Variants in NUP88 observed in about 807,000 individuals in gnomAD.
The protein encoded by NUP88 is nucleoporin 88.
NUP88 carries 57 observed loss-of-function variants against 93.9 expected under a neutral mutation model. That is an observed-to-expected ratio of 0.61 (90% CI 0.49 to 0.76). The LOEUF (loss-of-function observed/expected upper bound fraction) is 0.76, where lower values mean the gene tolerates loss of function less well. Among genes scored for constraint, NUP88 ranks in the 30% least tolerant of loss-of-function variants. NUP88 has a pLI of 0.00. For missense variants in NUP88, 911 were observed against 901.0 expected, an observed-to-expected ratio of 1.01 and a Z score of -0.14; for synonymous variants, 346 against 336.8, an observed-to-expected ratio of 1.03 and a Z score of -0.30.
At chr17:5,416,144 CAAAAAA>C (rs1206275413) in intron 2 of NUP88, among the ~76,000 whole-genome samples, 2 of 72,646 alleles carry the variant, frequency 2.8e-5, no homozygotes, top group Non-Finnish European at 2.6e-5. Flanking sequence ...GACTCCATCT[CAAAAAA>C]AAAAAAAAAA....
intron 5 of NUP88, among the ~76,000 whole-genome samples, chr17:5,406,086 T>C (rs887945727): frequency 2.6e-5 from 4 of 152,234 alleles, no homozygotes; most frequent in Non-Finnish European, 5.9e-5. Flanking sequence ...CAGTGAATGA[T>C]GGTTTAGTTG....
chr17:5,409,929 G>C (rs562356384), intron 4 of NUP88, among the ~76,000 whole-genome samples: 99 of 152,314 alleles, frequency 6.5e-4, no homozygotes, highest in Non-Finnish European at 1.1e-3. Context: ...AATGTCTGTG[G>C]AATGGCAAGG....
intron 13 of NUP88, 53 bp from the exon 14 acceptor site, chr17:5,387,519 C>G (rs1912092478): frequency 6.3e-7 from 1 of 1,598,760 alleles, no homozygotes; most frequent in Non-Finnish European, 8.6e-7. Context: ...GATGCTGAAA[C>G]CACCTAATGT....
intron 1 of NUP88, among the ~76,000 whole-genome samples, chr17:5,418,914 A>T (rs553385934): frequency 6.6e-6 from 1 of 152,310 alleles, no homozygotes; most frequent in Non-Finnish European, 1.5e-5. Flanking sequence ...GTAAGAATTA[A>T]CAGAGACTTC....
chr17:5,405,464 G>A (rs536774514), intron 5 of NUP88, among the ~76,000 whole-genome samples: 4 of 152,278 alleles, frequency 2.6e-5, no homozygotes, highest in African/African-American at 9.6e-5. Flanking sequence ...AATGTCTGAA[G>A]ACATTTTGGC....
intron 7 of NUP88, among the ~76,000 whole-genome samples, chr17:5,401,336 T>C (rs1597323459): frequency 6.6e-6 from 1 of 152,026 alleles, no homozygotes; most frequent in Non-Finnish European, 1.5e-5. Flanking sequence ...TGAGCCGAGT[T>C]GTACCACTGC....
chr17:5,394,089 G>C (rs1403349255), intron 9 of NUP88, among the ~76,000 whole-genome samples: 1 of 152,180 alleles, frequency 6.6e-6, no homozygotes, highest in Non-Finnish European at 1.5e-5. Context: ...GGATATCCAA[G>C]TGGAGGAGCC....
intron 3 of NUP88, among the ~76,000 whole-genome samples, chr17:5,412,667 T>TAC (rs1167464815): frequency 2.0e-5 from 3 of 149,942 alleles, no homozygotes; most frequent in Non-Finnish European, 4.4e-5. Context: ...CCCCCCCACA[T>TAC]ACACACACAC....
chr17:5,400,394 G>A (rs1244570449), intron 7 of NUP88, among the ~76,000 whole-genome samples: 5 of 151,636 alleles, frequency 3.3e-5, no homozygotes, highest in African/African-American at 7.3e-5. Flanking sequence ...TACTCGGGAG[G>A]CTGAGGCAGG....
chr17:5,399,502 C>A, intron 8 of NUP88, 50 bp downstream of exon 8: 1 of 921,914 alleles, frequency 1.1e-6, no homozygotes, highest in Non-Finnish European at 1.7e-6. Flanking sequence ...TCTATTAAAT[C>A]TATTTTTCCT....
At position 5,399,536 on chromosome 17, in the gene NUP88, G is replaced by C; in HGVS notation, c.1291+16C>G. The C allele has an allele frequency of 3.8e-6, 5 of 1,320,408 alleles. No homozygotes were observed. Among genetic ancestry groups the C allele is most frequent in the Non-Finnish European group, 4.3e-6 (4 of 919,862 alleles). 81.8% of individuals were successfully genotyped at this position (1,320,408 alleles called of 1,614,324 possible). On this transcript the variant is annotated intron_variant, in intron 8 of 16. Coordinates refer to ENST00000573584, the MANE Select transcript of NUP88 (RefSeq NM_002532.6). ...CTCTGAAATCTATTAAAAGTGCAGA[G>C]AGTTAGTAAACTCACCTGATCCAAG...
chr17:5,416,833 T>TTTG, intron 1 of NUP88, 151 bp from the exon 2 acceptor site: 3 of 109,562 alleles, frequency 2.7e-5, no homozygotes, highest in African/African-American at 4.0e-4. Context: ...AACTCACAAA[T>TTTG]TTTTTTTTTT....
chr17:5,412,824 T>A (rs1382980760), intron 3 of NUP88, among the ~76,000 whole-genome samples: 1 of 152,132 alleles, frequency 6.6e-6, no homozygotes, highest in African/African-American at 2.4e-5. Context: ...CCCACTCCCC[T>A]ACCCCACACT....
At chr17:5,405,366 C>T (rs1047994127) in intron 5 of NUP88, 123 bp from the exon 6 acceptor site, 2 of 723,282 alleles carry the variant, frequency 2.8e-6, no homozygotes, top group African/African-American at 3.6e-5. Flanking sequence ...TAGTGTATTC[C>T]CAATACTCCA....
At chr17:5,395,462 G>T (rs1281364321) in intron 8 of NUP88, among the ~76,000 whole-genome samples, 1 of 152,008 alleles carries the variant, frequency 6.6e-6, no homozygotes, top group Non-Finnish European at 1.5e-5. Flanking sequence ...AGCTCACTCA[G>T]GTTCAAGGAT....
At chr17:5,403,216 G>A (rs58832024) in intron 7 of NUP88, among the ~76,000 whole-genome samples, 1 of 151,646 alleles carries the variant, frequency 6.6e-6, no homozygotes, top group Non-Finnish European at 1.5e-5. Context: ...AGTGGCTCAC[G>A]CCTGGAATCC....
chr17:5,400,511 A>AC (rs1913093445), intron 7 of NUP88, among the ~76,000 whole-genome samples: 4 of 151,972 alleles, frequency 2.6e-5, no homozygotes, highest in African/African-American at 9.7e-5. Context: ...AAAAAAAAAA[A>AC]AAAAAACTCA....
At chr17:5,413,269 G>A (rs903358138) in intron 3 of NUP88, among the ~76,000 whole-genome samples, 5 of 152,216 alleles carry the variant, frequency 3.3e-5, no homozygotes, top group African/African-American at 1.2e-4. Flanking sequence ...ACTGCAACCA[G>A]CCAAGATGAG....
intron 6 of NUP88, among the ~76,000 whole-genome samples, chr17:5,404,695 C>G (rs1473032742): frequency 6.6e-6 from 1 of 152,102 alleles, no homozygotes; most frequent in African/African-American, 2.4e-5. Context: ...TTAATTCCAC[C>G]TCTATCCTAA....
Sources: allele counts gnomAD v4.1 joint callset (sites outside exome capture counted in the v4.1 genomes callset), GRCh38; gene constraint gnomAD v4.1.1; transcripts MANE v1.5; gene names NCBI Gene and HGNC (gene_info 2026-07-23, HGNC 2026-07-21).